The following STX8 variants were observed in gnomAD, a reference collection of about 807,000 sequenced individuals.
The protein encoded by STX8 is syntaxin-8.
Under a neutral mutation model 37.5 loss-of-function variants are expected in STX8, and 23 were observed. The observed-to-expected ratio is 0.61, with a 90% CI of 0.44 to 0.87. The LOEUF (loss-of-function observed/expected upper bound fraction) is 0.87, where lower values mean the gene tolerates loss of function less well. Among genes scored for constraint, STX8 ranks in the 40% least tolerant of loss-of-function variants. The pLI is 0.00. For synonymous variants in STX8, 115 were observed against 99.1 expected (o/e 1.16, Z -0.95); for missense variants, 313 against 284.7 (o/e 1.10, Z -0.71).
chr17:9,445,188 G>C (rs1041944987), intron 6 of STX8, among the ~76,000 whole-genome samples: 1 of 152,076 alleles, frequency 6.6e-6, no homozygotes, highest in African/African-American at 2.4e-5. Flanking sequence ...TTTGCTTTGT[G>C]ACTTTGAAGG....
intron 6 of STX8, among the ~76,000 whole-genome samples, chr17:9,485,740 C>A (rs1011156325): frequency 2.6e-5 from 4 of 152,054 alleles, no homozygotes; most frequent in African/African-American, 9.7e-5. Context: ...CATGTGCCAC[C>A]ACACCCAGCT....
chr17:9,278,473 A>G (rs1456705895), intron 7 of STX8, among the ~76,000 whole-genome samples: 3 of 152,140 alleles, frequency 2.0e-5, no homozygotes, highest in Non-Finnish European at 4.4e-5. Context: ...AAATAGAAAC[A>G]TACTTTAGAA....
intron 7 of STX8, among the ~76,000 whole-genome samples, chr17:9,302,913 T>G (rs1455753288): frequency 3.3e-5 from 5 of 151,616 alleles, no homozygotes; most frequent in African/African-American, 1.2e-4. Context: ...GTAGAACTAT[T>G]TATGTTTCTC....
chr17:9,300,144 C>T (rs1484826048), intron 7 of STX8, among the ~76,000 whole-genome samples: 1 of 151,922 alleles, frequency 6.6e-6, no homozygotes, highest in Non-Finnish European at 1.5e-5. Flanking sequence ...CCAGCCTGAC[C>T]AACATGGTGA....
At chr17:9,491,010 C>G (rs1906830180) in intron 6 of STX8, among the ~76,000 whole-genome samples, 1 of 152,202 alleles carries the variant, frequency 6.6e-6, no homozygotes, top group South Asian at 2.1e-4. Flanking sequence ...TTCACTGCCA[C>G]TCAACGACTC....
intron 6 of STX8, among the ~76,000 whole-genome samples, chr17:9,389,628 T>C (rs1012706952): frequency 6.6e-6 from 1 of 151,810 alleles, no homozygotes; most frequent in Non-Finnish European, 1.5e-5. Flanking sequence ...ATTCTATATA[T>C]AGGGAGAGAG....
intron 6 of STX8, among the ~76,000 whole-genome samples, chr17:9,478,219 T>C (rs953730418): frequency 4.6e-5 from 7 of 152,190 alleles, no homozygotes; most frequent in Non-Finnish European, 1.0e-4. Context: ...CACTACAACC[T>C]CTGCTTCCCG....
intron 7 of STX8, among the ~76,000 whole-genome samples, chr17:9,320,576 C>T (rs771346694): frequency 2.0e-5 from 3 of 151,558 alleles, no homozygotes; most frequent in African/African-American, 4.8e-5. Flanking sequence ...ACTTCTGGAA[C>T]CAACTTAAAG....
At chr17:9,527,773 G>T (rs1481442169) in intron 4 of STX8, among the ~76,000 whole-genome samples, 10 of 152,140 alleles carry the variant, frequency 6.6e-5, no homozygotes, top group Admixed American at 6.5e-4. Flanking sequence ...CACACAGATT[G>T]CTGAAGGGAA....
intron 7 of STX8, among the ~76,000 whole-genome samples, chr17:9,288,618 C>T (rs1279321143): frequency 3.3e-5 from 5 of 151,814 alleles, no homozygotes; most frequent in African/African-American, 7.3e-5. Flanking sequence ...GCCGAGATCG[C>T]GCCACTGCAC....
At chr17:9,471,277 G>A (rs1393260214) in intron 6 of STX8, among the ~76,000 whole-genome samples, 6 of 149,092 alleles carry the variant, frequency 4.0e-5, no homozygotes, top group East Asian at 2.0e-4. Context: ...TCAGCTTCCC[G>A]AGTAGCTGGG....
Position 9,320,744 on chromosome 17 carries a change from T to A in STX8, c.643+57808A>T, listed in dbSNP as rs183533248. On this transcript the variant is annotated intron_variant, in intron 7 of 7. Transcript: ENST00000306357. Reference sequence around the variant, plus strand: ...CTCATCTCTATTAAAAAAAAAAAAATACAAAAGTTAGCTGGGTGTGGTGGC... The same window carrying A: ...CTCATCTCTATTAAAAAAAAAAAAAAACAAAAGTTAGCTGGGTGTGGTGGC... 4.8e-5 allele frequency among the ~76,000 whole-genome samples: 7 copies of A among 146,786 alleles called. No individual in the cohort carries two copies. The East Asian group carries it at 1.2e-3, about 25-fold the overall frequency.
chr17:9,367,081 C>G (rs994512437), intron 7 of STX8, among the ~76,000 whole-genome samples: 2 of 151,786 alleles, frequency 1.3e-5, no homozygotes, highest in African/African-American at 4.8e-5. Flanking sequence ...AAATATATAT[C>G]AAAAGGCTTA....
intron 7 of STX8, among the ~76,000 whole-genome samples, chr17:9,336,082 G>A (rs1214764196): frequency 3.9e-5 from 6 of 152,250 alleles, no homozygotes; most frequent in East Asian, 3.9e-4. Flanking sequence ...TTGAATAGGC[G>A]AAACATTCCA....
At chr17:9,554,435 T>C (rs1906889547) in intron 3 of STX8, 1 of 152,070 alleles carries the variant, frequency 6.6e-6, no homozygotes, top group Non-Finnish European at 1.5e-5. Flanking sequence ...TAATATGAGA[T>C]TATTAGGACT....
At chr17:9,376,218 A>G (rs1365955121) in intron 7 of STX8, among the ~76,000 whole-genome samples, 2 of 152,100 alleles carry the variant, frequency 1.3e-5, no homozygotes, top group Non-Finnish European at 2.9e-5. Flanking sequence ...GTGTCTCGCT[A>G]AAGGTTTGAA....
At chr17:9,347,751 G>T (rs1910580076) in intron 7 of STX8, among the ~76,000 whole-genome samples, 1 of 152,174 alleles carries the variant, frequency 6.6e-6, no homozygotes, top group Non-Finnish European at 1.5e-5. Context: ...CTTTTCATCA[G>T]CCCAAAAGGA....
At chr17:9,496,890 A>C (rs1300499907) in intron 5 of STX8, among the ~76,000 whole-genome samples, 1 of 152,236 alleles carries the variant, frequency 6.6e-6, no homozygotes, top group East Asian at 1.9e-4. Context: ...AGCCTCCAGA[A>C]AAGAATCAAG....
intron 5 of STX8, 74 bp from the exon 6 acceptor site, chr17:9,491,995 A>T: frequency 1.0e-6 from 1 of 1,004,666 alleles, no homozygotes; most frequent in Non-Finnish European, 1.5e-6. Flanking sequence ...ATACCCAGGC[A>T]TATAACACAA....
Sources: allele counts gnomAD v4.1 joint callset (sites outside exome capture counted in the v4.1 genomes callset), GRCh38; gene constraint gnomAD v4.1.1; transcripts MANE v1.5; gene names NCBI Gene and HGNC (gene_info 2026-07-23, HGNC 2026-07-21).